ITGA2: variants seen among roughly 807,000 people sequenced by gnomAD.
ITGA2 encodes the protein integrin subunit alpha 2, also known as integrin alpha-2.
In ITGA2, 101 loss-of-function variants were observed where a neutral mutation model predicts 146.3. The ratio of observed to expected loss-of-function variants is 0.69; its 90% CI spans 0.59 to 0.81. The LOEUF is 0.81. ITGA2 is among the 40% of genes least tolerant of loss of function. The pLI, the probability that ITGA2 is intolerant of heterozygous loss-of-function variation, is 0.00. For missense variants in ITGA2, 1,281 were observed against 1,402.7 expected (o/e 0.91, Z 1.39); for synonymous variants, 477 against 487.1 (o/e 0.98, Z 0.27).
chr5:53,054,196 C>T (rs528878065), intron 7 of ITGA2, among the ~76,000 whole-genome samples: 1 of 152,274 alleles, frequency 6.6e-6, no homozygotes, highest in East Asian at 1.9e-4. Context: ...TATCCATGAG[C>T]TCAATTTGTC....
chr5:53,075,284 T>C lies in ITGA2; in HGVS notation c.2805T>C (p.Asp935=), dbSNP rs1485355712. Residue 935 remains aspartate, a synonymous_variant, in exon 23 of 30, where the codon GAT becomes GAC. Coordinates refer to ENST00000296585, the MANE Select transcript of ITGA2 (RefSeq NM_002203.4). ...LVNLKIPLLY[D]AEIHLTRSTN... is the part of the protein sequence containing the mutation. ...ACCTCAAAATTCCTCTCCTGTATGA[T>C]GCTGAAATTCACTTAACAAGGTAGG... 6.2e-7 allele frequency: 1 copy of C among 1,612,684 alleles called. No individual in the cohort carries two copies. The highest frequency in any genetic ancestry group is 1.7e-5 in the Admixed American group (1 of 59,848).
intron 1 of ITGA2, among the ~76,000 whole-genome samples, chr5:53,020,693 T>C (rs973385545): frequency 4.6e-5 from 7 of 151,236 alleles, no homozygotes; most frequent in Non-Finnish European, 1.0e-4. Context: ...ATTATTTTTT[T>C]TTTGGTGAGG....
chr5:53,041,087 G>C (rs1743774050), intron 2 of ITGA2, among the ~76,000 whole-genome samples: 1 of 150,188 alleles, frequency 6.7e-6, no homozygotes, highest in Non-Finnish European at 1.5e-5. Flanking sequence ...AATAATTTTA[G>C]TTTCTTTGAT....
At chr5:53,066,522 G>A (rs936756894) in intron 15 of ITGA2, among the ~76,000 whole-genome samples, 1 of 151,778 alleles carries the variant, frequency 6.6e-6, no homozygotes, top group East Asian at 1.9e-4. Flanking sequence ...ATATTGGGCC[G>A]GCAAGGGAAT....
rs150923601 is a variant in ITGA2 at position 53,066,572 on chromosome 5, A to C, written c.1944-546A>C. On this transcript the variant is annotated intron_variant, in intron 15 of 29. Coordinates refer to ENST00000296585, the MANE Select transcript of ITGA2 (RefSeq NM_002203.4). ...GTTGTTTATTCAATCAAGAATCTCC[A>C]TTCATTTGTCTCTGTCAAAAAATGT... 3.8e-4 allele frequency among the ~76,000 whole-genome samples: 58 copies of C among 151,986 alleles called. No homozygotes were observed. The South Asian group carries it at 8.3e-3, about 22-fold the overall frequency.
chr5:53,069,382 A>G (rs1299013141), intron 16 of ITGA2, among the ~76,000 whole-genome samples: 1 of 151,934 alleles, frequency 6.6e-6, no homozygotes, highest in Non-Finnish European at 1.5e-5. Flanking sequence ...CATAAACAGC[A>G]GAATTAGGAT....
chr5:53,059,329 T>C (rs1744795938), intron 10 of ITGA2, among the ~76,000 whole-genome samples: 1 of 151,928 alleles, frequency 6.6e-6, no homozygotes, highest in Admixed American at 6.6e-5. Context: ...TATAGGAATA[T>C]ACTGGAACAT....
In ITGA2 at chr5:53,013,764, A is replaced by G. The variant is rs576234828; in HGVS notation, c.65-12984A>G. On this transcript the variant is annotated intron_variant, in intron 1 of 29. Coordinates refer to ENST00000296585, the MANE Select transcript of ITGA2 (RefSeq NM_002203.4). ...ATGAAATGTTTTTCCATTTGTTTGT[A>G]TCATCTAGGATTTATTTCAGAAGTG... Among the ~76,000 whole-genome samples the G allele has an allele frequency of 1.8e-4, 27 of 152,164 alleles. 1 individual carries two copies. The South Asian group carries it at 3.1e-3, about 18-fold the overall frequency.
intron 4 of ITGA2, 54 bp from the exon 5 acceptor site, chr5:53,048,309 G>C (rs997266916): frequency 7.8e-7 from 1 of 1,289,106 alleles, no homozygotes. Flanking sequence ...TGGAGAGGTA[G>C]AAGGTTTGCA....
intron 23 of ITGA2, 55 bp from the exon 24 acceptor site, chr5:53,078,717 C>T (rs1384276669): frequency 2.0e-6 from 2 of 989,792 alleles, no homozygotes; most frequent in Non-Finnish European, 3.2e-6. Flanking sequence ...GAAATATTAA[C>T]CTTCAAGAAC....
Position 53,080,531 on chromosome 5 carries a change from A to C in ITGA2, c.2949A>C (p.Pro983=), listed in dbSNP as rs1427997040. 1 of 1,613,056 alleles carries C rather than the reference A, an allele frequency of 6.2e-7. No homozygotes were observed. The highest frequency in any genetic ancestry group is 8.5e-7 in the Non-Finnish European group (1 of 1,179,152). The change falls in exon 25 of 30, where the codon CCA becomes CCC. Residue 983 remains proline (P), a synonymous_variant. Coordinates refer to ENST00000296585, the MANE Select transcript of ITGA2 (RefSeq NM_002203.4). ...FSLKVTTGSV[P]VSMATVIIHI... is the part of the protein sequence containing the mutation. ...CATAGGTAACAACAGGAAGTGTTCC[A>C]GTAAGCATGGCAACTGTAATCATCC...
intron 14 of ITGA2, 41 bp from the exon 15 acceptor site, chr5:53,065,800 C>T: frequency 6.2e-7 from 1 of 1,610,900 alleles, no homozygotes; most frequent in Non-Finnish European, 8.5e-7. Context: ...TCTGGTTCAG[C>T]TGTTGTGTAC....
intron 2 of ITGA2, among the ~76,000 whole-genome samples, chr5:53,029,727 T>C (rs144365145): frequency 6.6e-6 from 1 of 152,352 alleles, no homozygotes; most frequent in East Asian, 1.9e-4. Context: ...CACTGTTTTG[T>C]TGACTGCTGC....
In ITGA2 at chr5:53,070,230, G is replaced by A. The variant is rs1745326244; in HGVS notation, c.2205G>A (p.Gln735=). ...LQKNMVVNQA[Q]SCPEHIIYIQ... ...AGAATATGGTAGTAAATCAAGCACA[G>A]AGTTGCCCCGAGCACATCATTTATA... Residue 735 remains glutamine, a synonymous_variant, in exon 17 of 30, where the codon CAG becomes CAA. Transcript: ENST00000296585. 2.5e-6 allele frequency: 4 copies of A among 1,611,770 alleles called. No individual in the cohort carries two copies. Among genetic ancestry groups the A allele is most frequent in the Admixed American group, 3.3e-5 (2 of 59,806 alleles).
At chr5:53,061,296 A>T (rs1744897691) in intron 12 of ITGA2, among the ~76,000 whole-genome samples, 1 of 152,056 alleles carries the variant, frequency 6.6e-6, no homozygotes, top group South Asian at 2.1e-4. Flanking sequence ...TTGAGCTGTC[A>T]TTAAAACTCA....
At chr5:53,046,144 G>A (rs1258016166) in intron 4 of ITGA2, among the ~76,000 whole-genome samples, 2 of 143,452 alleles carry the variant, frequency 1.4e-5, no homozygotes, top group African/African-American at 2.6e-5. Context: ...GCACTGAGCC[G>A]AGATCGTGCC....
chr5:53,025,303 A>G (rs1178694347), intron 1 of ITGA2, among the ~76,000 whole-genome samples: 2 of 152,166 alleles, frequency 1.3e-5, no homozygotes, highest in Non-Finnish European at 1.5e-5. Flanking sequence ...TTATTATTCA[A>G]AAATAAAAAG....
chr5:53,081,135 C>T (rs958004629), intron 25 of ITGA2, among the ~76,000 whole-genome samples: 1 of 152,166 alleles, frequency 6.6e-6, no homozygotes, highest in African/African-American at 2.4e-5. Flanking sequence ...ACCACCCCCA[C>T]TCCATCCACA....
At chr5:53,075,384 C>A in intron 23 of ITGA2, 80 bp downstream of exon 23, 1 of 1,013,342 alleles carries the variant, frequency 9.9e-7, no homozygotes, top group South Asian at 1.3e-5. Flanking sequence ...CTAAAGAAGT[C>A]CTCTGTATGC....
Sources: gnomAD v4.1 joint callset for allele counts (sites outside exome capture counted in the v4.1 genomes callset) on GRCh38, gnomAD v4.1.1 for gene constraint, MANE v1.5 for transcripts, NCBI Gene and HGNC (gene_info 2026-07-23, HGNC 2026-07-21) for gene names.